KCNAB1: variants seen among roughly 807,000 people sequenced by gnomAD.
The protein encoded by KCNAB1 is voltage-gated potassium channel subunit beta-1.
KCNAB1 carries 35 observed loss-of-function variants against 64.6 expected under a neutral mutation model. The ratio of observed to expected loss-of-function variants is 0.54; its 90% confidence interval spans 0.41 to 0.72. KCNAB1 has a LOEUF of 0.72. Among genes scored for constraint, KCNAB1 ranks in the 30% least tolerant of loss-of-function variants. The probability of loss-of-function intolerance (pLI) is 0.00; values close to 1 mark genes in which losing one functional copy is unlikely to be tolerated. For synonymous variants in KCNAB1, 177 were observed against 183.8 expected (o/e 0.96, Z 0.30); for missense variants, 401 against 512.9 (o/e 0.78, Z 2.11).
At chr3:156,450,956 C>G (rs55671429) in intron 2 of KCNAB1, among the ~76,000 whole-genome samples, 38,800 of 147,888 alleles carry the variant, frequency 0.26, 10,314 homozygotes, top group African/African-American at 0.68. Context: ...TCTTTTTACA[C>G]TAAGAAAAAT....
chr3:156,211,019 G>A (rs927847373), intron 1 of KCNAB1, among the ~76,000 whole-genome samples: 1 of 152,134 alleles, frequency 6.6e-6, no homozygotes, highest in Non-Finnish European at 1.5e-5. Flanking sequence ...AAATTCCTTT[G>A]TGAATGATAA....
At chr3:156,239,259 G>T (rs570329886) in intron 1 of KCNAB1, among the ~76,000 whole-genome samples, 4 of 152,276 alleles carry the variant, frequency 2.6e-5, no homozygotes, top group African/African-American at 9.6e-5. Flanking sequence ...TGGGTATTTT[G>T]TGGTCATTGG....
chr3:156,331,843 A>T (rs1335812097), intron 1 of KCNAB1, among the ~76,000 whole-genome samples: 1 of 152,150 alleles, frequency 6.6e-6, no homozygotes, highest in Admixed American at 6.5e-5. Flanking sequence ...GTTTAGCGGC[A>T]GGGGGTCAAA....
chr3:156,494,999 A>G (rs559774395), intron 8 of KCNAB1, among the ~76,000 whole-genome samples: 1 of 152,128 alleles, frequency 6.6e-6, no homozygotes, highest in Admixed American at 6.6e-5. Flanking sequence ...TCCCTTAGCT[A>G]TTCTTCCTGA....
chr3:156,363,076 A>T (rs1025951962), intron 1 of KCNAB1, among the ~76,000 whole-genome samples: 6 of 152,246 alleles, frequency 3.9e-5, no homozygotes, highest in African/African-American at 1.2e-4. Flanking sequence ...TGGGTGCCCA[A>T]TGGGAAGTTA....
chr3:156,318,390 A>G (rs1016911450), intron 1 of KCNAB1, among the ~76,000 whole-genome samples: 19 of 152,174 alleles, frequency 1.2e-4, no homozygotes, highest in African/African-American at 4.3e-4. Context: ...GTAGGCCTCT[A>G]TGAACCTAAA....
chr3:156,197,906 G>A (rs966636413), intron 1 of KCNAB1, among the ~76,000 whole-genome samples: 1 of 151,986 alleles, frequency 6.6e-6, no homozygotes, highest in Non-Finnish European at 1.5e-5. Flanking sequence ...GATCTTTCTC[G>A]CTTTCTGATC....
At chr3:156,302,549 G>A (rs1164822093) in intron 1 of KCNAB1, among the ~76,000 whole-genome samples, 1 of 152,150 alleles carries the variant, frequency 6.6e-6, no homozygotes, top group Non-Finnish European at 1.5e-5. Flanking sequence ...GAGTGCTGGG[G>A]ATTTTCTCTG....
At chr3:156,359,019 CA>C (rs1304747089) in intron 1 of KCNAB1, among the ~76,000 whole-genome samples, 1 of 152,044 alleles carries the variant, frequency 6.6e-6, no homozygotes, top group Admixed American at 6.5e-5. Flanking sequence ...TATAATTTGG[CA>C]AAAAGCATTT....
intron 8 of KCNAB1, among the ~76,000 whole-genome samples, chr3:156,481,104 T>C (rs965993293): frequency 6.6e-6 from 1 of 152,224 alleles, no homozygotes; most frequent in Admixed American, 6.5e-5. Context: ...ATGCTGTTTC[T>C]CATCTACAAT....
At chr3:156,232,799 A>C (rs1400423884) in intron 1 of KCNAB1, among the ~76,000 whole-genome samples, 3 of 152,358 alleles carry the variant, frequency 2.0e-5, no homozygotes, top group African/African-American at 4.8e-5. Context: ...AGTAATACAG[A>C]AATACTAAAA....
At chr3:156,351,178 A>T (rs1209562845) in intron 1 of KCNAB1, among the ~76,000 whole-genome samples, 1 of 152,256 alleles carries the variant, frequency 6.6e-6, no homozygotes, top group Non-Finnish European at 1.5e-5. Flanking sequence ...TGCTTTTGTT[A>T]TTCTCTTGGT....
chr3:156,151,833 G>T (rs1387131137), intron 1 of KCNAB1, among the ~76,000 whole-genome samples: 1 of 151,836 alleles, frequency 6.6e-6, no homozygotes, highest in East Asian at 1.9e-4. Flanking sequence ...GCTCTTTGTG[G>T]CATTTTTTTA....
chr3:156,201,998 T>C (rs879421327), intron 1 of KCNAB1, among the ~76,000 whole-genome samples: 6 of 151,848 alleles, frequency 4.0e-5, no homozygotes, highest in Non-Finnish European at 7.4e-5. Flanking sequence ...GACCAAGGGG[T>C]TCTCAGGTCA....
intron 1 of KCNAB1, among the ~76,000 whole-genome samples, chr3:156,353,586 A>G (rs1724999106): frequency 6.6e-6 from 1 of 152,196 alleles, no homozygotes; most frequent in Admixed American, 6.5e-5. Context: ...GGCCATACTT[A>G]AGGTGTTGGC....
chr3:156,486,663 T>TG (rs1715240106), intron 8 of KCNAB1, among the ~76,000 whole-genome samples: 2 of 152,060 alleles, frequency 1.3e-5, no homozygotes, highest in South Asian at 4.2e-4. Context: ...GTCTCCTGTG[T>TG]GGGGTCTTCT....
In KCNAB1 at chr3:156,538,044, A is replaced by T. The variant is rs1003346319; in HGVS notation, c.*1297A>T. 1 of 152,206 alleles carries T rather than the reference A, an allele frequency of 6.6e-6. No individual in the cohort carries two copies. The highest frequency in any genetic ancestry group is 1.5e-5 in the Non-Finnish European group (1 of 68,024). 9.4% of individuals were successfully genotyped at this position (152,206 alleles called of 1,614,324 possible). ...TGCACTCGAAATCTGAGGTGTATCT[A>T]GCCCTGCCACTATTGGCTACTTACC... On this transcript the variant is annotated 3_prime_UTR_variant, in exon 14 of 14. Coordinates refer to ENST00000490337, the MANE Select transcript of KCNAB1 (RefSeq NM_172160.3).
chr3:156,278,394 C>T (rs1482417502), intron 1 of KCNAB1, among the ~76,000 whole-genome samples: 1 of 152,258 alleles, frequency 6.6e-6, no homozygotes, highest in East Asian at 1.9e-4. Context: ...TGTAACTCCA[C>T]CTATAGAATA....
chr3:156,375,298 A>G lies in KCNAB1; in HGVS notation c.276-46318A>G, dbSNP rs112498224. On this transcript the variant is annotated intron_variant, in intron 1 of 13. Coordinates refer to ENST00000490337, the MANE Select transcript of KCNAB1 (RefSeq NM_172160.3). Reference sequence around the variant, plus strand: ...GCCACAGTCCTTCTTTGTAGAGTTTATGAAGCTCATCCCTATGCAGCCCCT... The same window carrying G: ...GCCACAGTCCTTCTTTGTAGAGTTTGTGAAGCTCATCCCTATGCAGCCCCT... Among the ~76,000 whole-genome samples the G allele has an allele frequency of 2.2e-3, 300 of 134,968 alleles. 87 individuals are homozygous for G. The highest frequency in any genetic ancestry group is 8.4e-3 in the African/African-American group (252 of 30,012). 88.5% of individuals were successfully genotyped at this position (134,968 alleles called of 152,430 possible).
Sources: gnomAD v4.1 joint callset for allele counts (sites outside exome capture counted in the v4.1 genomes callset) on GRCh38, gnomAD v4.1.1 for gene constraint, MANE v1.5 for transcripts, NCBI Gene and HGNC (gene_info 2026-07-23, HGNC 2026-07-21) for gene names.